Variants in DNMT3B observed in about 807,000 individuals in gnomAD.
DNMT3B encodes the protein DNA methyltransferase 3 beta.
In DNMT3B, 37 loss-of-function variants were observed where a neutral mutation model predicts 120.2. The ratio of observed to expected loss-of-function variants is 0.31; its 90% CI spans 0.24 to 0.40. The LOEUF (loss-of-function observed/expected upper bound fraction) is 0.40. Ranked by LOEUF, DNMT3B falls within the 10% of genes least tolerant of loss-of-function variation. The probability of loss-of-function intolerance (pLI) is 1.00; values close to 1 mark genes in which losing one functional copy is unlikely to be tolerated. For synonymous variants in DNMT3B, 412 were observed against 442.8 expected (o/e 0.93, Z 0.87); for missense variants, 878 against 1,137.3 (o/e 0.77, Z 3.28).
chr20:32,765,811 A>T (rs1446892859), intron 1 of DNMT3B, among the ~76,000 whole-genome samples: 2 of 131,676 alleles, frequency 1.5e-5, no homozygotes, highest in Non-Finnish European at 3.0e-5. Flanking sequence ...GCTGGAGTGC[A>T]GTGGCGCGAT....
chr20:32,796,981 G>T (rs749102361), intron 13 of DNMT3B, 112 bp downstream of exon 13: 2 of 1,613,226 alleles, frequency 1.2e-6, no homozygotes, highest in East Asian at 4.5e-5. Context: ...CATCCCAGCT[G>T]CCTTGCACTC....
At chr20:32,765,976 C>T (rs1379940078) in intron 1 of DNMT3B, among the ~76,000 whole-genome samples, 1 of 151,822 alleles carries the variant, frequency 6.6e-6, no homozygotes, top group Non-Finnish European at 1.5e-5. Flanking sequence ...CCAGGATGGT[C>T]TCAATCTCCT....
intron 3 of DNMT3B, 49 bp downstream of exon 3, chr20:32,781,463 G>T (rs1446329626): frequency 1.9e-6 from 3 of 1,608,170 alleles, no homozygotes; most frequent in South Asian, 1.1e-5. Context: ...TTTGTCTTTG[G>T]CTTTCATCAC....
At chr20:32,770,489 T>C (rs1034547031) in intron 1 of DNMT3B, among the ~76,000 whole-genome samples, 5 of 151,926 alleles carry the variant, frequency 3.3e-5, no homozygotes, top group African/African-American at 1.2e-4. Flanking sequence ...GTTGTTTTAG[T>C]AGAGATGGGG....
rs1979334603 is a variant in DNMT3B at position 32,786,695 on chromosome 20, A to T, written c.432+68A>T. On this transcript the variant is annotated intron_variant, in intron 5 of 22. Coordinates refer to ENST00000328111, the MANE Select transcript of DNMT3B (RefSeq NM_006892.4). ...CTGGGAGATATGCCTCACTCACTGCACTACTGGTTGTGGCTGGTAGATAAT... is the reference window on the plus strand; with the variant it reads ...CTGGGAGATATGCCTCACTCACTGCTCTACTGGTTGTGGCTGGTAGATAAT... 5 of 1,607,750 alleles carry T rather than the reference A, an allele frequency of 3.1e-6. No homozygotes were observed. In the Admixed American group the frequency reaches 6.7e-5, roughly 21 times the overall value.
intron 1 of DNMT3B, among the ~76,000 whole-genome samples, chr20:32,771,046 C>CT (rs1290419805): frequency 5.6e-4 from 85 of 151,270 alleles, no homozygotes; most frequent in African/African-American, 1.8e-3. Flanking sequence ...TCCCTGGCAT[C>CT]TTTTTTTTTG....
At position 32,795,421 on chromosome 20, in the gene DNMT3B, G is replaced by C; in HGVS notation, c.1139G>C (p.Arg380Pro). The C allele has an allele frequency of 6.2e-7, 1 of 1,614,008 alleles. No homozygotes were observed. The highest frequency in any genetic ancestry group is 8.5e-7 in the Non-Finnish European group (1 of 1,179,990). ...TTACCTTTCACAGAGAACAAGACTCGAAGACGCACAGCTGACGACTCAGCC... is the reference window on the plus strand; with the variant it reads ...TTACCTTTCACAGAGAACAAGACTCCAAGACGCACAGCTGACGACTCAGCC... ...LESRKYENKT[R>P]RRTADDSATS... The change falls in exon 11 of 23, where the codon CGA becomes CCA. Residue 380 changes from arginine to proline, a missense_variant. Transcript: ENST00000328111.
At chr20:32,765,717 G>A (rs1457602231) in intron 1 of DNMT3B, among the ~76,000 whole-genome samples, 2 of 147,408 alleles carry the variant, frequency 1.4e-5, no homozygotes, top group African/African-American at 2.5e-5. Flanking sequence ...GTTACACCCG[G>A]CTGCTTTTTA....
At chr20:32,804,767 C>A (rs370045923) in intron 20 of DNMT3B, among the ~76,000 whole-genome samples, 16 of 147,316 alleles carry the variant, frequency 1.1e-4, no homozygotes, top group Non-Finnish European at 2.1e-4. Flanking sequence ...TCATAACTCA[C>A]TGTAGCCTCC....
chr20:32,791,818 G>T, intron 8 of DNMT3B, 110 bp downstream of exon 8: 2 of 1,178,896 alleles, frequency 1.7e-6, no homozygotes, highest in South Asian at 2.6e-5. Flanking sequence ...GGGACAGGGT[G>T]GCCAGGGAGG....
Position 32,787,442 on chromosome 20 carries a change from A to C in DNMT3B, c.645A>C (p.Ser215=). Residue 215 remains serine (S), a synonymous_variant, in exon 6 of 23, where the codon TCA becomes TCC. Transcript: ENST00000328111. ...CAGACAGTGGAGATGGAGACAGTTC[A>C]GAGTATCAGGTATGGCCGAGAGGGG... is the stretch of plus-strand genomic sequence containing the variant. ...VEADSGDGDS[S]EYQDGKEFGI... is the part of the protein sequence containing the mutation. 3.1e-6 allele frequency: 5 copies of C among 1,613,950 alleles called. No homozygotes were observed. The highest frequency in any genetic ancestry group is 4.2e-6 in the Non-Finnish European group (5 of 1,179,968).
chr20:32,762,533 C>T lies in DNMT3B; in HGVS notation c.-173C>T, dbSNP rs745890797. On this transcript the variant is annotated 5_prime_UTR_variant, in exon 1 of 23. Coordinates refer to ENST00000328111, the MANE Select transcript of DNMT3B (RefSeq NM_006892.4). The stretch of plus-strand genomic sequence containing the variant: ...GTCGGGCGAGCGGGCGGCAACGCTG[C>T]CCGGCCGGCAGCGCTGGGGTTAAGT... 1 of 330,898 alleles carries T rather than the reference C, an allele frequency of 3.0e-6. No homozygotes were observed. The highest frequency in any genetic ancestry group is 2.3e-5 in the South Asian group (1 of 43,570). 20.5% of individuals were successfully genotyped at this position (330,898 alleles called of 1,614,324 possible). A position where few individuals can be genotyped will look rare whatever the true frequency, so the allele number is the denominator to read the frequency against.
Position 32,762,582 on chromosome 20 carries a change from G to A in DNMT3B, c.-124G>A. The A allele has an allele frequency of 2.9e-6, 1 of 342,618 alleles. No individual in the cohort carries two copies. Among genetic ancestry groups the A allele is most frequent in the South Asian group, 2.2e-5 (1 of 46,416 alleles). 21.2% of individuals were successfully genotyped at this position (342,618 alleles called of 1,614,324 possible). ...GTGGCCCAAGTAAACCTAGCTCGGC[G>A]ATCGGCGCCGGAGATTCGCGAGCCC... On this transcript the variant is annotated 5_prime_UTR_variant, in exon 1 of 23. Coordinates refer to ENST00000328111, the MANE Select transcript of DNMT3B (RefSeq NM_006892.4).
intron 1 of DNMT3B, among the ~76,000 whole-genome samples, 163 bp downstream of exon 1, chr20:32,762,862 G>A (rs953683647): frequency 1.3e-5 from 2 of 152,190 alleles, no homozygotes; most frequent in East Asian, 2.0e-4. Context: ...GGTTTGCGGG[G>A]TGAGGAAACG....
chr20:32,797,352 G>A (rs45529835), intron 14 of DNMT3B, 53 bp downstream of exon 14: 20 of 1,547,898 alleles, frequency 1.3e-5, no homozygotes, highest in Admixed American at 1.7e-5. Flanking sequence ...AGGCTCCTAC[G>A]TTCCTGCAGT....
At chr20:32,800,006 G>A (rs1981127785) in intron 16 of DNMT3B, 147 bp from the exon 17 acceptor site, 3 of 1,186,854 alleles carry the variant, frequency 2.5e-6, no homozygotes, top group Non-Finnish European at 1.2e-6. Context: ...CAGCCAATAT[G>A]TGTGGTGCGT....
In DNMT3B at chr20:32,786,569, G is replaced by A. The variant is rs1341617203; in HGVS notation, c.374G>A (p.Arg125Gln). Reference protein sequence around the residue: ...ERHRPSPRSTRGRQGRNHVDE... With the variant: ...ERHRPSPRSTQGRQGRNHVDE... ...CACAGGCCTTCCCCACGTTCCACCC[G>A]AGGCCGGCAGGGCCGCAACCATGTG... is the stretch of plus-strand genomic sequence containing the variant. Residue 125 changes from arginine to glutamine, a missense_variant, in exon 5 of 23, where the codon CGA becomes CAA. Physicochemically the swap from Arg to Gln is conservative, Grantham distance 43 (BLOSUM62 1). Transcript: ENST00000328111. 32 of 1,613,838 alleles carry A rather than the reference G, an allele frequency of 2.0e-5. No individual in the cohort carries two copies. The highest frequency in any genetic ancestry group is 2.5e-5 in the Non-Finnish European group (29 of 1,180,050).
chr20:32,776,152 C>A (rs1448597181), intron 1 of DNMT3B, among the ~76,000 whole-genome samples: 1 of 152,020 alleles, frequency 6.6e-6, no homozygotes, highest in Non-Finnish European at 1.5e-5. Context: ...TCGCTTGAAC[C>A]CGGGAGGTGG....
At chr20:32,789,061 G>A in intron 7 of DNMT3B, 49 bp downstream of exon 7, 1 of 1,606,954 alleles carries the variant, frequency 6.2e-7, no homozygotes. Flanking sequence ...GGCTGTGCCT[G>A]CCTGCCTCCC....
Sources: gnomAD v4.1 joint callset for allele counts (sites outside exome capture counted in the v4.1 genomes callset) on GRCh38, gnomAD v4.1.1 for gene constraint, MANE v1.5 for transcripts, NCBI Gene and HGNC (gene_info 2026-07-23, HGNC 2026-07-21) for gene names.